Variants in HSPB1 observed in about 807,000 individuals in gnomAD.
HSPB1 encodes heat shock protein beta-1.
Under a neutral mutation model 17.0 loss-of-function variants are expected in HSPB1, and 19 were observed. The observed-to-expected ratio is 1.12, with a 90% CI of 0.78 to 1.64. The LOEUF is 1.64. Among genes scored for constraint, HSPB1 ranks in the 40% most tolerant of loss-of-function variants. The pLI is 0.00. For synonymous variants in HSPB1, 165 were observed against 129.8 expected, an observed-to-expected ratio of 1.27 and a Z score of -1.84; for missense variants, 348 against 289.2, an observed-to-expected ratio of 1.20 and a Z score of -1.47.
chr7:76,303,500 C>T (rs918865502), intron 1 of HSPB1: 8 of 568,008 alleles, frequency 1.4e-5, no homozygotes, highest in South Asian at 1.1e-4. Context: ...GGGGAGTTCC[C>T]TGGCGCGGTG....
chr7:76,303,886 G>GGGGTGGGT, intron 2 of HSPB1, 21 bp downstream of exon 2: 5 of 1,604,160 alleles, frequency 3.1e-6, no homozygotes, highest in Non-Finnish European at 4.3e-6. Flanking sequence ...GCGCCAGGTC[G>GGGGTGGGT]GGGTGGGTGG....
In HSPB1 at chr7:76,302,922, G is replaced by A. The variant is rs749963653; in HGVS notation, c.210G>A (p.Ala70=). Reference sequence around the variant, plus strand: ...CCATCGAGAGCCCCGCAGTGGCCGCGCCCGCCTACAGCCGCGCGCTCAGCC... The same window carrying A: ...CCATCGAGAGCCCCGCAGTGGCCGCACCCGCCTACAGCCGCGCGCTCAGCC... The part of the protein sequence containing the change: ...PAAIESPAVA[A]PAYSRALSRQ... The change falls in exon 1 of 3, where the codon GCG becomes GCA. Residue 70 remains alanine (A), a synonymous_variant. Coordinates refer to ENST00000248553, the MANE Select transcript of HSPB1 (RefSeq NM_001540.5). The A allele has an allele frequency of 5.7e-5, 88 of 1,542,776 alleles. No homozygotes were observed. Among genetic ancestry groups the A allele is most frequent in the Non-Finnish European group, 7.5e-5 (86 of 1,149,910 alleles).
rs1803068085 is a variant in HSPB1, at chr7:76,304,014, T to G, written c.459T>G (p.Val153=). The G allele has an allele frequency of 3.7e-6, 6 of 1,613,808 alleles. No homozygotes were observed. The highest frequency in any genetic ancestry group is 4.2e-6 in the Non-Finnish European group (5 of 1,180,000). The change falls in exon 3 of 3, where the codon GTT becomes GTG. Residue 153 remains valine, a synonymous_variant. Coordinates refer to ENST00000248553, the MANE Select transcript of HSPB1 (RefSeq NM_001540.5). ...CCCCCGGTGTGGACCCCACCCAAGT[T>G]TCCTCCTCCCTGTCCCCTGAGGGCA... ...TLPPGVDPTQ[V]SSSLSPEGTL... is the part of the protein sequence containing the mutation.
Position 76,302,684 on chromosome 7 carries a change from A to C in HSPB1, c.-29A>C. On this transcript the variant is annotated 5_prime_UTR_variant, in exon 1 of 3. Coordinates refer to ENST00000248553, the MANE Select transcript of HSPB1 (RefSeq NM_001540.5). ...GAGCCCAGCGCCCCGCACTTTTCTG[A>C]GCAGACGTCCAGAGCAGAGTCAGCC... 6.3e-7 allele frequency: 1 copy of C among 1,597,814 alleles called. No homozygotes were observed. The highest frequency in any genetic ancestry group is 1.1e-5 in the South Asian group (1 of 90,974).
At chr7:76,303,449 CAG>C (rs34429571) in intron 1 of HSPB1, 20,428 of 507,016 alleles carry the variant, frequency 0.04, 1,567 homozygotes, top group African/African-American at 0.19. Context: ...CGCTTTTCTA[CAG>C]AGTCCCCTTC....
chr7:76,303,729 TG>T, intron 1 of HSPB1, 72 bp from the exon 2 acceptor site: 1 of 1,347,018 alleles, frequency 7.4e-7, no homozygotes, highest in Non-Finnish European at 1.1e-6. Context: ...AAGCAGGAGG[TG>T]GGGCCTCTGG....
chr7:76,304,132 G>A lies in HSPB1; in HGVS notation c.577G>A (p.Gly193Ser). ...VTFESRAQLG[G>S]PEAAKSDETA... ...CTTCGAGTCGCGGGCCCAGCTTGGG[G>A]GCCCAGAAGCTGCAAAATCCGATGA... The change falls in exon 3 of 3, where the codon GGC (glycine) becomes AGC (serine). Residue 193 changes from glycine to serine, a missense_variant. Coordinates refer to ENST00000248553, the MANE Select transcript of HSPB1 (RefSeq NM_001540.5). 1 of 1,612,654 alleles carries A rather than the reference G, an allele frequency of 6.2e-7. No homozygotes were observed. The highest frequency in any genetic ancestry group is 1.7e-4 in the Middle Eastern group (1 of 6,018).
In HSPB1 at chr7:76,302,938, G is replaced by C. The variant is rs968191590; in HGVS notation, c.226G>C (p.Ala76Pro). 1.9e-6 allele frequency: 3 copies of C among 1,544,664 alleles called. No individual in the cohort carries two copies. Among genetic ancestry groups the C allele is most frequent in the Non-Finnish European group, 2.6e-6 (3 of 1,150,648 alleles). Residue 76 changes from alanine to proline, a missense_variant, in exon 1 of 3, where the codon GCG becomes CCG. Transcript: ENST00000248553. ...AGTGGCCGCGCCCGCCTACAGCCGC[G>C]CGCTCAGCCGGCAACTCAGCAGCGG... ...PAVAAPAYSR[A>P]LSRQLSSGVS...
intron 1 of HSPB1, 141 bp downstream of exon 1, chr7:76,303,217 C>G: frequency 9.6e-7 from 1 of 1,037,248 alleles, no homozygotes; most frequent in African/African-American, 1.6e-5. Flanking sequence ...ACTCCTGATT[C>G]CCTTGCTCAG....
At chr7:76,303,222 G>C (rs1461406972) in intron 1 of HSPB1, 146 bp downstream of exon 1, 11 of 1,007,204 alleles carry the variant, frequency 1.1e-5, no homozygotes, top group East Asian at 2.7e-5. Flanking sequence ...TGATTCCCTT[G>C]CTCAGGAATT....
In HSPB1 at chr7:76,304,190, C is replaced by T. The variant is rs1563653075; in HGVS notation, c.*17C>T. 5 of 1,600,320 alleles carry T rather than the reference C, an allele frequency of 3.1e-6. No homozygotes were observed. The South Asian group carries it at 3.4e-5, about 11-fold the overall frequency. On this transcript the variant is annotated 3_prime_UTR_variant, in exon 3 of 3. Transcript: ENST00000248553. ...GCCAAGTAAAGCCTTAGCCCGGATG[C>T]CCACCCCTGCTGCCGCCACTGGCTG...
rs1381669292 is a variant in HSPB1, at chr7:76,304,074, C to T, written c.519C>T (p.Ala173=). The T allele has an allele frequency of 6.2e-7, 1 of 1,613,798 alleles. No homozygotes were observed. The change falls in exon 3 of 3, where the codon GCC becomes GCT. Residue 173 remains alanine (A), a synonymous_variant. Transcript: ENST00000248553. ...LTVEAPMPKL[A]TQSNEITIPV... The stretch of plus-strand genomic sequence containing the variant: ...TGGAGGCCCCCATGCCCAAGCTAGC[C>T]ACGCAGTCCAACGAGATCACCATCC...
In HSPB1 at chr7:76,304,165, G is replaced by T. The variant is rs367857772; in HGVS notation, c.610G>T (p.Ala204Ser). The change falls in exon 3 of 3, where the codon GCC becomes TCC. Residue 204 changes from alanine to serine, a missense_variant. Physicochemically the swap from Ala to Ser is moderately conservative, Grantham distance 99 (BLOSUM62 1). Transcript: ENST00000248553. ...PEAAKSDETA[A>S]K ...AGCTGCAAAATCCGATGAGACTGCC[G>T]CCAAGTAAAGCCTTAGCCCGGATGC... 1.1e-5 allele frequency: 17 copies of T among 1,609,398 alleles called. No individual in the cohort carries two copies. Among genetic ancestry groups the T allele is most frequent in the Non-Finnish European group, 1.4e-5 (17 of 1,178,152 alleles).
In HSPB1 at chr7:76,302,707, G is replaced by A; in HGVS notation, c.-6G>A. On this transcript the variant is annotated 5_prime_UTR_variant, in exon 1 of 3. Transcript: ENST00000248553. ...TGAGCAGACGTCCAGAGCAGAGTCAGCCAGCATGACCGAGCGCCGCGTCCC... is the reference window on the plus strand; with the variant it reads ...TGAGCAGACGTCCAGAGCAGAGTCAACCAGCATGACCGAGCGCCGCGTCCC... 1 of 1,600,458 alleles carries A rather than the reference G, an allele frequency of 6.2e-7. No homozygotes were observed. The highest frequency in any genetic ancestry group is 2.2e-5 in the East Asian group (1 of 44,852).
At chr7:76,303,555 G>A (rs1464458434) in intron 1 of HSPB1, 4 of 586,794 alleles carry the variant, frequency 6.8e-6, no homozygotes, top group Non-Finnish European at 1.2e-5. Flanking sequence ...CTCCAAGTGC[G>A]CCTGCGTACT....
rs768587418 is a variant in HSPB1 at position 76,303,986 on chromosome 7, T to C, written c.431T>C (p.Leu144Pro). The C allele has an allele frequency of 4.3e-6, 7 of 1,613,636 alleles. No individual in the cohort carries two copies. The African/African-American group carries it at 9.3e-5, about 22-fold the overall frequency. The change falls in exon 3 of 3, where the codon CTG becomes CCG. Residue 144 changes from leucine to proline, a missense_variant and splice_region_variant. Leu to Pro is a moderately conservative substitution (Grantham distance 98). Transcript: ENST00000248553. ...GCCTTTCCTCTCTGCACGTCCAGGC[T>C]GCCCCCCGGTGTGGACCCCACCCAA... The part of the protein sequence containing the change: ...ISRCFTRKYT[L>P]PPGVDPTQVS...
chr7:76,303,033 C>G lies in HSPB1; in HGVS notation c.321C>G (p.Asp107Glu). Residue 107 changes from aspartate to glutamate, a missense_variant, in exon 1 of 3, where the codon GAC (aspartate) becomes GAG (glutamate). Asp to Glu is a conservative substitution (Grantham distance 45). Transcript: ENST00000248553. ...TGGATGTCAACCACTTCGCCCCGGA[C>G]GAGCTGACGGTCAAGACCAAGGATG... ...VSLDVNHFAPDELTVKTKDGV... is the reference protein window; with the variant it reads ...VSLDVNHFAPEELTVKTKDGV... 6.5e-7 allele frequency: 1 copy of G among 1,541,988 alleles called. No individual in the cohort carries two copies. Among genetic ancestry groups the G allele is most frequent in the Non-Finnish European group, 8.7e-7 (1 of 1,148,378 alleles).
intron 1 of HSPB1, chr7:76,303,405 T>A (rs528284387): frequency 5.4e-5 from 22 of 410,666 alleles, no homozygotes; most frequent in Admixed American, 1.8e-4. Flanking sequence ...CAAACAAAAA[T>A]TTTTTTAAAG....
chr7:76,303,772 C>T (rs1176895731), intron 1 of HSPB1, 30 bp from the exon 2 acceptor site: 6 of 1,604,320 alleles, frequency 3.7e-6, no homozygotes, highest in Non-Finnish European at 5.1e-6. Flanking sequence ...TCCCCTCCCC[C>T]GCAGTCTGAT....
Sources: allele counts gnomAD v4.1 joint callset, GRCh38; gene constraint gnomAD v4.1.1; transcripts MANE v1.5; gene names NCBI Gene and HGNC (gene_info 2026-07-23, HGNC 2026-07-21).